HOXD3: variants seen among roughly 807,000 people sequenced by gnomAD.
HOXD3 encodes homeobox D3.
In HOXD3, 13 loss-of-function variants were observed where a neutral mutation model predicts 32.8. The ratio of observed to expected loss-of-function variants is 0.40; its 90% CI spans 0.26 to 0.63. The LOEUF (loss-of-function observed/expected upper bound fraction) is 0.63. HOXD3 is among the 20% of genes least tolerant of loss of function. The probability of loss-of-function intolerance (pLI) is 0.44; values close to 1 mark genes in which losing one functional copy is unlikely to be tolerated. For synonymous variants in HOXD3, 241 were observed against 246.8 expected (o/e 0.98, Z 0.22); for missense variants, 504 against 577.1 (o/e 0.87, Z 1.30).
rs763123549 is a variant in HOXD3 at position 176,171,869 on chromosome 2, G to A, written c.894G>A (p.Ser298=). ...PVPGLAYDAP[S]PPAFAKSQPN... ...CCGGCCTGGCCTACGACGCGCCCTC[G>A]CCGCCTGCTTTCGCCAAATCACAGC... The change falls in exon 4 of 4, where the codon TCG becomes TCA. Residue 298 remains serine (S), a synonymous_variant. Coordinates refer to ENST00000683222, the MANE Select transcript of HOXD3 (RefSeq NM_006898.5). The A allele has an allele frequency of 1.1e-5, 18 of 1,600,256 alleles. No homozygotes were observed. Among genetic ancestry groups the A allele is most frequent in the African/African-American group, 4.0e-5 (3 of 74,516 alleles).
At chr2:176,155,530 G>C (rs1382590220), upstream of HOXD3, among the ~76,000 whole-genome samples, 1 of 152,292 alleles carries the variant, frequency 6.6e-6, no homozygotes, top group East Asian at 1.9e-4. Flanking sequence ...TGTTAATGGA[G>C]CCTGGATGGC....
In HOXD3 at chr2:176,171,602, G is replaced by A; in HGVS notation, c.627G>A (p.Leu209=). Residue 209 remains leucine (L), a synonymous_variant, in exon 4 of 4, where the codon TTG becomes TTA. Transcript: ENST00000683222. ...ACACGAGCGCGCAGCTGGTGGAATTGGAAAAGGAATTCCACTTCAACCGCT... is the reference window on the plus strand; with the variant it reads ...ACACGAGCGCGCAGCTGGTGGAATTAGAAAAGGAATTCCACTTCAACCGCT... ...TAYTSAQLVE[L]EKEFHFNRYL... 1.2e-6 allele frequency: 2 copies of A among 1,614,152 alleles called. No homozygotes were observed. Among genetic ancestry groups the A allele is most frequent in the South Asian group, 1.1e-5 (1 of 91,080 alleles).
upstream of HOXD3, chr2:176,152,826 A>G: frequency 6.2e-7 from 1 of 1,614,130 alleles, no homozygotes; most frequent in African/African-American, 1.3e-5. The surrounding 1 kb of genome is among the most constrained non-coding windows in gnomAD (Gnocchi z 5.2). Flanking sequence ...GCTGCCCAAC[A>G]CTAAAGGCAG....
upstream of HOXD3, chr2:176,152,738 T>G (rs1297860056): frequency 6.2e-7 from 1 of 1,614,186 alleles, no homozygotes; most frequent in Non-Finnish European, 8.5e-7. This position sits in a 1 kb window ranked among gnomAD's most constrained non-coding sequence, Gnocchi z 5.2. Context: ...TTGAAATCGC[T>G]CACACCCTGT....
chr2:176,159,927 C>G (rs1198169365), intron 1 of HOXD3, among the ~76,000 whole-genome samples: 1 of 152,172 alleles, frequency 6.6e-6, no homozygotes, highest in Admixed American at 6.5e-5. Context: ...CTCCAGGCCT[C>G]GAAGGACCAG....
In HOXD3 at chr2:176,169,404, A is replaced by T; in HGVS notation, c.290A>T (p.Asn97Ile). ...NGSCMRPGTGNSQGGGGGSQP... is the reference protein window; with the variant it reads ...NGSCMRPGTGISQGGGGGSQP... Reference sequence around the variant, plus strand: ...AGCTGCATGCGGCCGGGCACTGGGAACAGCCAGGGTGGGGGTGGTGGCAGC... The same window carrying T: ...AGCTGCATGCGGCCGGGCACTGGGATCAGCCAGGGTGGGGGTGGTGGCAGC... Residue 97 changes from asparagine (N) to isoleucine (I), a missense_variant, in exon 3 of 4, where the codon AAC (asparagine) becomes ATC (isoleucine). Transcript: ENST00000683222. 6.2e-7 allele frequency: 1 copy of T among 1,613,884 alleles called. No individual in the cohort carries two copies. The highest frequency in any genetic ancestry group is 8.5e-7 in the Non-Finnish European group (1 of 1,179,906).
Position 176,172,589 on chromosome 2 carries a change from GCGCCCT to G in HOXD3, c.*316_*321del. 3.0e-6 allele frequency: 1 copy of G among 337,374 alleles called. No individual in the cohort carries two copies. Among genetic ancestry groups the G allele is most frequent in the Admixed American group, 4.4e-5 (1 of 22,858 alleles). The allele number at this position is 337,374 out of a possible 1,614,324, so 20.9% of individuals were successfully genotyped here. A position where few individuals can be genotyped will look rare whatever the true frequency, so the allele number is the denominator to read the frequency against. On this transcript the variant is annotated 3_prime_UTR_variant, in exon 4 of 4. Coordinates refer to ENST00000683222, the MANE Select transcript of HOXD3 (RefSeq NM_006898.5). ...GGTAAGTCTGAGACCCATCAGCGGC[GCGCCCT>G]GCAGAGGGACCAGAGCTTGGAGAGT...
upstream of HOXD3, among the ~76,000 whole-genome samples, chr2:176,153,561 G>C (rs939891812): frequency 6.6e-6 from 1 of 152,184 alleles, no homozygotes; most frequent in African/African-American, 2.4e-5. Context: ...ATATTTATTT[G>C]TTGGGAAATG....
chr2:176,169,324 C>T lies in HOXD3; in HGVS notation c.210C>T (p.Ile70=), dbSNP rs1175086891. The T allele has an allele frequency of 8.1e-6, 13 of 1,613,996 alleles. No individual in the cohort carries two copies. The highest frequency in any genetic ancestry group is 7.6e-6 in the Non-Finnish European group (9 of 1,180,030). The change falls in exon 3 of 4, where the codon ATC becomes ATT. Residue 70 remains isoleucine, a synonymous_variant. Transcript: ENST00000683222. The part of the protein sequence containing the change: ...DTDYPGSACS[I]QSSAPLRAPA... The stretch of plus-strand genomic sequence containing the variant: ...ACTATCCAGGTTCTGCCTGCTCCAT[C>T]CAGAGCTCTGCCCCTCTGAGAGCCC...
At chr2:176,153,435 A>G (rs116433163), upstream of HOXD3, among the ~76,000 whole-genome samples, 473 of 152,272 alleles carry the variant, frequency 3.1e-3, 4 homozygotes, top group African/African-American at 0.01. Context: ...TGGGTTGTCT[A>G]TGGAATTTCA....
upstream of HOXD3, among the ~76,000 whole-genome samples, chr2:176,157,181 C>T (rs1690665466): frequency 6.6e-6 from 1 of 152,134 alleles, no homozygotes; most frequent in Admixed American, 6.5e-5. Flanking sequence ...CGCTGGCAGC[C>T]GGGGGAGGGC....
intron 1 of HOXD3, among the ~76,000 whole-genome samples, chr2:176,162,428 T>C (rs1690837456): frequency 6.6e-6 from 1 of 152,180 alleles, no homozygotes. Flanking sequence ...ACTCAGCTCT[T>C]CCTTGACAGC....
At chr2:176,170,094 T>C (rs1365604041) in intron 3 of HOXD3, among the ~76,000 whole-genome samples, 3 of 152,180 alleles carry the variant, frequency 2.0e-5, no homozygotes, top group Non-Finnish European at 4.4e-5. Context: ...ACTAAGTACT[T>C]TCTAAGCATT....
Position 176,172,750 on chromosome 2 carries a change from T to C in HOXD3, c.*476T>C, listed in dbSNP as rs1691240039. ...TGAAGCGAGTCATTTCGTTCCCTGATTATTTATCCTTGTCTGAATGTATTT... is the reference window on the plus strand; with the variant it reads ...TGAAGCGAGTCATTTCGTTCCCTGACTATTTATCCTTGTCTGAATGTATTT... On this transcript the variant is annotated 3_prime_UTR_variant, in exon 4 of 4. Coordinates refer to ENST00000683222, the MANE Select transcript of HOXD3 (RefSeq NM_006898.5). The C allele has an allele frequency of 6.3e-6, 1 of 159,360 alleles. No homozygotes were observed. Among genetic ancestry groups the C allele is most frequent in the African/African-American group, 2.4e-5 (1 of 41,702 alleles). 9.9% of individuals were successfully genotyped at this position (159,360 alleles called of 1,614,324 possible).
At chr2:176,170,409 G>C (rs977036580) in intron 3 of HOXD3, among the ~76,000 whole-genome samples, 1 of 152,156 alleles carries the variant, frequency 6.6e-6, no homozygotes, top group South Asian at 2.1e-4. Flanking sequence ...TGGAAGGGGA[G>C]CCCCTCCAGT....
rs1333799984 is a variant in HOXD3, at chr2:176,169,274, G to A, written c.160G>A (p.Ala54Thr). ...STPHQPYPPP[A>T]AASSLDTDYP... is the part of the protein sequence containing the mutation. ...CCCCCACCAGCCCTACCCACCCCCTGCTGCTGCCAGCTCCCTGGACACTGA... is the reference window on the plus strand; with the variant it reads ...CCCCCACCAGCCCTACCCACCCCCTACTGCTGCCAGCTCCCTGGACACTGA... The change falls in exon 3 of 4, where the codon GCT becomes ACT. Residue 54 changes from alanine (A) to threonine (T), a missense_variant. Ala to Thr is a moderately conservative substitution (Grantham distance 58). Transcript: ENST00000683222. 1.2e-6 allele frequency: 2 copies of A among 1,613,960 alleles called. No homozygotes were observed. The highest frequency in any genetic ancestry group is 1.7e-6 in the Non-Finnish European group (2 of 1,179,992).
In HOXD3 at chr2:176,169,358, A is replaced by G; in HGVS notation, c.244A>G (p.Lys82Glu). The change falls in exon 3 of 4, where the codon AAA (lysine) becomes GAA (glutamate). Residue 82 changes from lysine to glutamate, a missense_variant. Physicochemically the swap from Lys to Glu is moderately conservative, Grantham distance 56. Around this residue, in one of 3 missense-constraint regions of HOXD3, gnomAD observed 181 missense variants for 172.2 expected, o/e 1.05. Coordinates refer to ENST00000683222, the MANE Select transcript of HOXD3 (RefSeq NM_006898.5). ...TGCCCCTCTGAGAGCCCCAGCCCAC[A>G]AAGGAGCTGAACTCAATGGCAGCTG... The part of the protein sequence containing the change: ...SSAPLRAPAH[K>E]GAELNGSCMR... 6.2e-7 allele frequency: 1 copy of G among 1,613,946 alleles called. No individual in the cohort carries two copies. The highest frequency in any genetic ancestry group is 8.5e-7 in the Non-Finnish European group (1 of 1,179,986).
At position 176,169,016 on chromosome 2, in the gene HOXD3, C is replaced by G; in HGVS notation, c.-84-15C>G. The G allele has an allele frequency of 6.7e-7, 1 of 1,486,364 alleles. No homozygotes were observed. The highest frequency in any genetic ancestry group is 1.4e-5 in the South Asian group (1 of 70,866). 92.1% of individuals were successfully genotyped at this position (1,486,364 alleles called of 1,614,324 possible). On this transcript the variant is annotated splice_polypyrimidine_tract_variant and intron_variant, in intron 2 of 3. Coordinates refer to ENST00000683222, the MANE Select transcript of HOXD3 (RefSeq NM_006898.5). ...ATGACACTCCCTCTGGGGCCTCTTGCTTTTCTTCTGACAGGTCACCTGGAG... is the reference window on the plus strand; with the variant it reads ...ATGACACTCCCTCTGGGGCCTCTTGGTTTTCTTCTGACAGGTCACCTGGAG...
At chr2:176,153,461 T>C (rs977980886), upstream of HOXD3, among the ~76,000 whole-genome samples, 2 of 152,190 alleles carry the variant, frequency 1.3e-5, no homozygotes, top group African/African-American at 4.8e-5. Context: ...TTAAAAAATA[T>C]ATATTTTGCT....
Sources: gnomAD v4.1 joint callset for allele counts (sites outside exome capture counted in the v4.1 genomes callset) on GRCh38, gnomAD v4.1.1 for gene constraint, gnomAD v4.1.1 regional missense constraint, Gnocchi (gnomAD v3.1) non-coding constraint, MANE v1.5 for transcripts, NCBI Gene and HGNC (gene_info 2026-07-23, HGNC 2026-07-21) for gene names.